The following AGBL4 variants were observed in gnomAD, a reference collection of about 807,000 sequenced individuals.
The protein encoded by AGBL4 is AGBL carboxypeptidase 4.
Under a neutral mutation model 66.4 loss-of-function variants are expected in AGBL4, and 58 were observed. The observed-to-expected ratio is 0.87, with a 90% CI of 0.71 to 1.09. The LOEUF (loss-of-function observed/expected upper bound fraction) is 1.09, where lower values mean the gene tolerates loss of function less well. AGBL4 is among the 50% of genes least tolerant of loss of function. AGBL4 has a pLI of 0.00. For synonymous variants in AGBL4, 234 were observed against 222.9 expected, an observed-to-expected ratio of 1.05 and a Z score of -0.44; for missense variants, 579 against 631.0, an observed-to-expected ratio of 0.92 and a Z score of 0.88.
intron 3 of AGBL4, among the ~76,000 whole-genome samples, chr1:49,329,429 G>A (rs916759828): frequency 6.6e-6 from 1 of 152,188 alleles, no homozygotes; most frequent in East Asian, 1.9e-4. Context: ...ACTTTGGGAG[G>A]CTGAGGCGGG....
At chr1:48,653,309 C>T (rs1479963341) in intron 8 of AGBL4, 28 bp downstream of exon 8, 2 of 1,512,312 alleles carry the variant, frequency 1.3e-6, no homozygotes, top group Non-Finnish European at 9.0e-7. Context: ...TAAGTACTTG[C>T]TTCCAAGCAT....
At chr1:48,612,421 G>C (rs949079430) in intron 9 of AGBL4, among the ~76,000 whole-genome samples, 2 of 152,242 alleles carry the variant, frequency 1.3e-5, no homozygotes, top group Admixed American at 1.3e-4. Context: ...GGCTGGGGCA[G>C]AGAAGGCATC....
At chr1:49,448,461 G>A (rs1255106701) in intron 3 of AGBL4, among the ~76,000 whole-genome samples, 1 of 152,146 alleles carries the variant, frequency 6.6e-6, no homozygotes, top group African/African-American at 2.4e-5. Flanking sequence ...TGAAGTCTCA[G>A]CAGATGATTT....
intron 2 of AGBL4, among the ~76,000 whole-genome samples, chr1:49,751,814 T>C (rs1651491100): frequency 6.6e-6 from 1 of 152,192 alleles, no homozygotes; most frequent in Non-Finnish European, 1.5e-5. Flanking sequence ...AGGTGATGTA[T>C]GTGTCCAGGA....
intron 3 of AGBL4, among the ~76,000 whole-genome samples, chr1:49,674,249 T>A (rs1033621327): frequency 6.6e-6 from 1 of 152,078 alleles, no homozygotes; most frequent in South Asian, 2.1e-4. Flanking sequence ...ACTCTTTTGC[T>A]TTTAGGTGGG....
chr1:48,708,119 A>G (rs1269315426), intron 6 of AGBL4, among the ~76,000 whole-genome samples: 2 of 152,224 alleles, frequency 1.3e-5, no homozygotes, highest in East Asian at 3.9e-4. Context: ...GGTCTTGGAT[A>G]AAAATCACAC....
At chr1:49,327,277 C>T (rs1311454312) in intron 3 of AGBL4, among the ~76,000 whole-genome samples, 1 of 152,166 alleles carries the variant, frequency 6.6e-6, no homozygotes, top group Non-Finnish European at 1.5e-5. Flanking sequence ...CTACCATAAT[C>T]ATGTCACATC....
At chr1:49,120,968 CT>C (rs762432182) in intron 4 of AGBL4, among the ~76,000 whole-genome samples, 13 of 152,184 alleles carry the variant, frequency 8.5e-5, no homozygotes, top group Non-Finnish European at 1.6e-4. Context: ...TCTTCAATCA[CT>C]GATACCCTTT....
intron 1 of AGBL4, among the ~76,000 whole-genome samples, chr1:49,903,684 C>A (rs1342190229): frequency 6.6e-6 from 1 of 151,742 alleles, no homozygotes. Flanking sequence ...AATAACTGTC[C>A]ATATTTGGTG....
chr1:49,110,441 T>C (rs1645383945), intron 4 of AGBL4, among the ~76,000 whole-genome samples: 1 of 152,200 alleles, frequency 6.6e-6, no homozygotes, highest in African/African-American at 2.4e-5. Context: ...CCTTCTTCTA[T>C]TTATTGAAAA....
chr1:49,521,100 T>C (rs1167314), intron 3 of AGBL4, among the ~76,000 whole-genome samples: 103,978 of 151,890 alleles, frequency 0.68, 36,475 homozygotes, highest in African/African-American at 0.78. Flanking sequence ...TGAGCCACTA[T>C]GCCTCACCCA....
intron 1 of AGBL4, among the ~76,000 whole-genome samples, chr1:50,001,648 G>A (rs1660766221): frequency 1.3e-5 from 2 of 152,110 alleles, no homozygotes; most frequent in Admixed American, 1.3e-4. Context: ...AATAGGGAAT[G>A]ACGGGGACTG....
At chr1:49,646,890 A>G (rs1000814210) in intron 3 of AGBL4, among the ~76,000 whole-genome samples, 14 of 151,988 alleles carry the variant, frequency 9.2e-5, no homozygotes, top group African/African-American at 3.4e-4. Context: ...GGCCTTCAAC[A>G]AAAGTGCAAA....
chr1:49,228,761 A>G (rs983407231), intron 4 of AGBL4, among the ~76,000 whole-genome samples: 51 of 152,208 alleles, frequency 3.4e-4, no homozygotes, highest in African/African-American at 1.2e-3. Context: ...GGGGTCAGTT[A>G]GGAGGTCATG....
At chr1:48,808,182 T>G (rs1178434479) in intron 6 of AGBL4, among the ~76,000 whole-genome samples, 1 of 152,176 alleles carries the variant, frequency 6.6e-6, no homozygotes, top group East Asian at 1.9e-4. Context: ...TGATATCAGT[T>G]TCCACATCTA....
rs1285703190 is a variant in AGBL4, at chr1:49,742,095, G to A, written c.158-44658C>T. ...GAAATAAAAGGCATTCAATTAGGAA[G>A]AGAGGAAGTCAAATTATCCCTGTTT... On this transcript the variant is annotated intron_variant, in intron 2 of 13. Coordinates refer to ENST00000371839, the MANE Select transcript of AGBL4 (RefSeq NM_032785.4). Among the ~76,000 whole-genome samples, 7 of 152,306 alleles carry A rather than the reference G, an allele frequency of 4.6e-5. No individual in the cohort carries two copies. In the East Asian group the frequency reaches 7.7e-4, roughly 17 times the overall value.
At chr1:49,444,141 T>C (rs540462351) in intron 3 of AGBL4, among the ~76,000 whole-genome samples, 56 of 152,208 alleles carry the variant, frequency 3.7e-4, no homozygotes, top group South Asian at 2.9e-3. Flanking sequence ...ATGATCTCAA[T>C]GATTTTAAAC....
intron 1 of AGBL4, among the ~76,000 whole-genome samples, chr1:49,918,160 T>A (rs1442890491): frequency 6.6e-6 from 1 of 151,922 alleles, no homozygotes; most frequent in East Asian, 1.9e-4. Context: ...CATCCTAACA[T>A]CACAATTGAA....
rs928476217 is a variant in AGBL4, at chr1:49,555,240, T to C, written c.282+142073A>G. Among the ~76,000 whole-genome samples the C allele has an allele frequency of 2.6e-5, 4 of 151,700 alleles. No homozygotes were observed. In the South Asian group the frequency reaches 6.3e-4, roughly 24 times the overall value. Reference sequence around the variant, plus strand: ...CCTTGAGCTAGACACAGAGTGCTGATTGGTGCATTGACAATCCTTTAGCTA... The same window carrying C: ...CCTTGAGCTAGACACAGAGTGCTGACTGGTGCATTGACAATCCTTTAGCTA... On this transcript the variant is annotated intron_variant, in intron 3 of 13. Transcript: ENST00000371839.
Sources: gnomAD v4.1 joint callset for allele counts (sites outside exome capture counted in the v4.1 genomes callset) on GRCh38, gnomAD v4.1.1 for gene constraint, MANE v1.5 for transcripts, NCBI Gene and HGNC (gene_info 2026-07-23, HGNC 2026-07-21) for gene names.